Variants in HAUS2 observed in about 807,000 individuals in gnomAD.
HAUS2 encodes HAUS augmin-like complex subunit 2.
In HAUS2, 20 loss-of-function variants were observed where a neutral mutation model predicts 21.6. The ratio of observed to expected loss-of-function variants is 0.93; its 90% CI spans 0.65 to 1.35. The LOEUF (loss-of-function observed/expected upper bound fraction) is 1.35, where lower values mean the gene tolerates loss of function less well. Ranked by LOEUF, HAUS2 falls within the 40% of genes most tolerant of loss-of-function variation. The pLI, the probability that HAUS2 is intolerant of heterozygous loss-of-function variation, is 0.00. For missense variants in HAUS2, 297 were observed against 280.7 expected (o/e 1.06, Z -0.42); for synonymous variants, 113 against 95.6 (o/e 1.18, Z -1.06).
rs541113591 is a variant in HAUS2, at chr15:42,556,742, C to T, written c.94-1456C>T. ...TCTTTGGCCTGGACGCGGTGGCTCA[C>T]GCCTGTAATCTGGGCACTCTGGGAG... On this transcript the variant is annotated intron_variant, in intron 1 of 5. Coordinates refer to ENST00000260372, the MANE Select transcript of HAUS2 (RefSeq NM_018097.3). Among the ~76,000 whole-genome samples, 6 of 151,918 alleles carry T rather than the reference C, an allele frequency of 3.9e-5. No homozygotes were observed. The South Asian group carries it at 1.0e-3, about 26-fold the overall frequency.
chr15:42,568,889 T>C lies in HAUS2; in HGVS notation c.*2073T>C, dbSNP rs1466426075. ...GTACCTTTTCTCTTTGCTGTTTTGC[T>C]TCATATGCTTTTGCTGTAATAAATC... On this transcript the variant is annotated 3_prime_UTR_variant, in exon 6 of 6. Transcript: ENST00000260372. The C allele has an allele frequency of 6.6e-6, 1 of 152,246 alleles. No homozygotes were observed. Among genetic ancestry groups the C allele is most frequent in the Non-Finnish European group, 1.5e-5 (1 of 68,054 alleles). The allele number at this position is 152,246 out of a possible 1,614,324, so 9.4% of individuals were successfully genotyped here. A position where few individuals can be genotyped will look rare whatever the true frequency, so the allele number is the denominator to read the frequency against.
chr15:42,552,168 G>A (rs921712499), intron 1 of HAUS2, among the ~76,000 whole-genome samples: 11 of 151,938 alleles, frequency 7.2e-5, no homozygotes, highest in East Asian at 1.9e-4. Flanking sequence ...GATTACAGGC[G>A]CGCACCACCA....
intron 1 of HAUS2, among the ~76,000 whole-genome samples, chr15:42,549,765 CAAAAAAAAA>C (rs58614126): frequency 5.2e-5 from 3 of 58,086 alleles, no homozygotes; most frequent in Admixed American, 2.6e-4. Context: ...TCTTTAAAGG[CAAAAAAAAA>C]AAAAAAAAAA....
rs910944458 is a variant in HAUS2 at position 42,569,616 on chromosome 15, TC to T, written c.*2802del. 6.6e-6 allele frequency: 1 copy of T among 152,148 alleles called. No individual in the cohort carries two copies. Among genetic ancestry groups the T allele is most frequent in the Non-Finnish European group, 1.5e-5 (1 of 68,028 alleles). 9.4% of individuals were successfully genotyped at this position (152,148 alleles called of 1,614,324 possible). A position where few individuals can be genotyped will look rare whatever the true frequency, so the allele number is the denominator to read the frequency against. On this transcript the variant is annotated 3_prime_UTR_variant, in exon 6 of 6. Coordinates refer to ENST00000260372, the MANE Select transcript of HAUS2 (RefSeq NM_018097.3). The stretch of plus-strand genomic sequence containing the variant: ...GCCACTGCGCCTGGCCTCATTGTAC[TC>T]CTTAACACAAGAAGACTTCAACAAT...
rs777981848 is a variant in HAUS2 at position 42,566,766 on chromosome 15, C to T, written c.658C>T (p.Pro220Ser). The change falls in exon 6 of 6, where the codon CCT becomes TCT. Residue 220 changes from proline (P) to serine (S), a missense_variant. By Grantham distance (74) the Pro-to-Ser change is moderately conservative. Transcript: ENST00000260372. The part of the protein sequence containing the change: ...YLYKHDIIMP[P>S]LPFTSKVHVQ... ...TTATAAACATGATATTATAATGCCT[C>T]CTTTACCTTTTACTTCTAAAGTTCA... is the stretch of plus-strand genomic sequence containing the variant. 7 of 1,559,610 alleles carry T rather than the reference C, an allele frequency of 4.5e-6. No individual in the cohort carries two copies. In the Admixed American group the frequency reaches 6.7e-5, roughly 15 times the overall value.
At chr15:42,558,127 G>A (rs1336607414) in intron 1 of HAUS2, 71 bp from the exon 2 acceptor site, 3 of 701,116 alleles carry the variant, frequency 4.3e-6, no homozygotes, top group Non-Finnish European at 5.2e-6. Flanking sequence ...TTAGACTATG[G>A]GCATGCTATT....
intron 1 of HAUS2, among the ~76,000 whole-genome samples, chr15:42,556,122 A>ATT (rs760982814): frequency 3.4e-4 from 46 of 133,568 alleles, no homozygotes; most frequent in African/African-American, 9.4e-4. Flanking sequence ...CGCCTGGCTA[A>ATT]TTTTTTTTTT....
At position 42,569,864 on chromosome 15, in the gene HAUS2, C is replaced by T. The variant is rs145587574; in HGVS notation, c.*3048C>T. 2.0e-5 allele frequency: 3 copies of T among 152,230 alleles called. No individual in the cohort carries two copies. Among genetic ancestry groups the T allele is most frequent in the East Asian group, 1.9e-4 (1 of 5,186 alleles). The allele number at this position is 152,230 out of a possible 1,614,324, so 9.4% of individuals were successfully genotyped here. On this transcript the variant is annotated 3_prime_UTR_variant, in exon 6 of 6. Transcript: ENST00000260372. ...TTCAAAACATACTATGCTTTTTCTT[C>T]GTGTTATTTCCTATATTCATTTTTG...
Position 42,561,270 on chromosome 15 carries a change from C to G in HAUS2, c.257C>G (p.Ala86Gly), listed in dbSNP as rs1237756121. The G allele has an allele frequency of 1.3e-6, 2 of 1,526,762 alleles. No individual in the cohort carries two copies. Among genetic ancestry groups the G allele is most frequent in the South Asian group, 2.2e-5 (2 of 89,156 alleles). 94.6% of individuals were successfully genotyped at this position (1,526,762 alleles called of 1,614,324 possible). ...AATTACTGTTTTTTAATTTGTATAG[C>G]TCAGAAGTGTCATACTCTGCAAAGC... ...TADVVHPFFL[A>G]QKCHTLQSMN... Residue 86 changes from alanine (A) to glycine (G), a missense_variant and splice_region_variant, in exon 4 of 6, where the codon GCT becomes GGT. Transcript: ENST00000260372.
intron 1 of HAUS2, 111 bp downstream of exon 1, chr15:42,549,076 G>C (rs1290476012): frequency 3.0e-6 from 2 of 668,972 alleles, no homozygotes; most frequent in Admixed American, 2.9e-5. Context: ...GTTGGGGTCT[G>C]TACTAGAGTA....
intron 3 of HAUS2, among the ~76,000 whole-genome samples, chr15:42,560,004 A>C (rs1346608134): frequency 6.6e-6 from 1 of 152,142 alleles, no homozygotes; most frequent in Non-Finnish European, 1.5e-5. Flanking sequence ...AAAAATACAA[A>C]AACTAGCCAG....
intron 1 of HAUS2, among the ~76,000 whole-genome samples, chr15:42,556,765 G>A (rs1288364209): frequency 3.3e-5 from 5 of 151,590 alleles, no homozygotes; most frequent in Non-Finnish European, 5.9e-5. Flanking sequence ...GGCACTCTGG[G>A]AGGCTGAGGC....
chr15:42,563,927 C>T (rs1485104867), intron 5 of HAUS2, 70 bp downstream of exon 5: 9 of 761,842 alleles, frequency 1.2e-5, no homozygotes, highest in Non-Finnish European at 2.1e-5. Context: ...CCCAGTTTAG[C>T]TTTTTAATAG....
Position 42,561,360 on chromosome 15 carries a change from C to G in HAUS2, c.347C>G (p.Pro116Arg). 1 of 1,599,946 alleles carries G rather than the reference C, an allele frequency of 6.3e-7. No individual in the cohort carries two copies. The highest frequency in any genetic ancestry group is 1.7e-5 in the Admixed American group (1 of 59,996). Reference protein sequence around the residue: ...KRSLRQRLLKPMCQENLPIEA... With the variant: ...KRSLRQRLLKRMCQENLPIEA... ...TCCCTTAGGCAAAGACTGTTGAAAC[C>G]CATGTGCCAGGAAAACTTACCTATT... The change falls in exon 4 of 6, where the codon CCC (proline) becomes CGC (arginine). Residue 116 changes from proline (P) to arginine (R), a missense_variant. By Grantham distance (103) the Pro-to-Arg change is moderately radical. Transcript: ENST00000260372.
intron 1 of HAUS2, 106 bp from the exon 2 acceptor site, chr15:42,558,092 G>A: frequency 1.6e-6 from 1 of 627,420 alleles, no homozygotes; most frequent in Non-Finnish European, 2.9e-6. Context: ...CAAAGGCAGT[G>A]TTGAACATAA....
At chr15:42,549,034 T>G (rs1595542363) in intron 1 of HAUS2, 69 bp downstream of exon 1, 1 of 998,036 alleles carries the variant, frequency 1.0e-6, no homozygotes, top group South Asian at 1.4e-5. Context: ...TGTGAGTTGG[T>G]GCTGCTGGCT....
At chr15:42,563,393 A>G (rs1238612617) in intron 4 of HAUS2, among the ~76,000 whole-genome samples, 1 of 149,342 alleles carries the variant, frequency 6.7e-6, no homozygotes, top group Non-Finnish European at 1.5e-5. Flanking sequence ...GCCTGGTGAC[A>G]TAGCAAGACT....
intron 5 of HAUS2, among the ~76,000 whole-genome samples, chr15:42,565,383 T>C (rs1158520930): frequency 7.9e-6 from 1 of 126,930 alleles, no homozygotes; most frequent in Admixed American, 8.4e-5. Context: ...TGGGGAGCCA[T>C]TGAATGTGTG....
intron 1 of HAUS2, among the ~76,000 whole-genome samples, chr15:42,550,232 C>T (rs2057708447): frequency 6.9e-6 from 1 of 144,444 alleles, no homozygotes; most frequent in Non-Finnish European, 1.5e-5. Flanking sequence ...CAGTGAGATG[C>T]GATCGGGCCA....
Sources: gnomAD v4.1 joint callset for allele counts (sites outside exome capture counted in the v4.1 genomes callset) on GRCh38, gnomAD v4.1.1 for gene constraint, MANE v1.5 for transcripts, NCBI Gene and HGNC (gene_info 2026-07-23, HGNC 2026-07-21) for gene names.